Variants in AFF2 observed in about 807,000 individuals in gnomAD.
AFF2 encodes the protein AF4/FMR2 family member 2.
AFF2 carries 14 observed loss-of-function variants against 76.9 expected under a neutral mutation model. That is an observed-to-expected ratio of 0.18 (90% CI 0.12 to 0.28). The LOEUF (loss-of-function observed/expected upper bound fraction) is 0.28, where lower values mean the gene tolerates loss of function less well. Ranked by LOEUF, AFF2 falls within the 10% of genes least tolerant of loss-of-function variation. The pLI is 1.00. For synonymous variants in AFF2, 398 were observed against 366.7 expected (o/e 1.09, Z -0.98); for missense variants, 868 against 1,001.1 (o/e 0.87, Z 1.79).
In AFF2 at chrX:148,849,517, C is replaced by T. The variant is rs185238912; in HGVS notation, c.1262+6084C>T. ...TATCTACTACATGTAAGGTTCTGGGCTAAAACACTGGTAACTCAGGGTGAA... is the reference window on the plus strand; with the variant it reads ...TATCTACTACATGTAAGGTTCTGGGTTAAAACACTGGTAACTCAGGGTGAA... On this transcript the variant is annotated intron_variant, in intron 7 of 20. Transcript: ENST00000370460. Among the ~76,000 whole-genome samples, 292 of 108,930 alleles carry T rather than the reference C, an allele frequency of 2.7e-3. 2 individuals are homozygous for T. The highest frequency in any genetic ancestry group is 9.5e-3 in the African/African-American group (282 of 29,696). 94.6% of individuals were successfully genotyped at this position (108,930 alleles called of 115,157 possible). A position where few individuals can be genotyped will look rare whatever the true frequency, so the allele number is the denominator to read the frequency against.
chrX:148,694,214 G>T (rs567252253), intron 3 of AFF2, among the ~76,000 whole-genome samples: 4 of 109,161 alleles, frequency 3.7e-5, no homozygotes, highest in African/African-American at 1.3e-4. Context: ...TATACCTAAT[G>T]CTAGAGACGA....
At chrX:148,692,799 A>G (rs1286497945) in intron 3 of AFF2, among the ~76,000 whole-genome samples, 1 of 111,683 alleles carries the variant, frequency 9.0e-6, no homozygotes, top group African/African-American at 3.3e-5. Context: ...TGAGATGAAG[A>G]TTTTTGCATG....
intron 1 of AFF2, among the ~76,000 whole-genome samples, chrX:148,619,269 G>C (rs1557250913): frequency 9.0e-6 from 1 of 111,343 alleles, no homozygotes; most frequent in African/African-American, 3.3e-5. Context: ...TAGCTCAGGT[G>C]CTAATGTCAG....
intron 7 of AFF2, among the ~76,000 whole-genome samples, chrX:148,872,730 A>T (rs782622319): frequency 8.9e-6 from 1 of 111,934 alleles, no homozygotes; most frequent in Non-Finnish European, 1.9e-5. Flanking sequence ...CATGATCAGG[A>T]TGCCAGTATG....
intron 3 of AFF2, among the ~76,000 whole-genome samples, chrX:148,794,769 C>T (rs1557270241): frequency 3.6e-5 from 4 of 110,842 alleles, no homozygotes; most frequent in Non-Finnish European, 5.7e-5. Context: ...CTTGCAGAGG[C>T]AGGGGTGGGG....
chrX:148,843,942 T>C (rs1603311233), intron 7 of AFF2, among the ~76,000 whole-genome samples: 1 of 111,416 alleles, frequency 9.0e-6, no homozygotes, highest in East Asian at 2.8e-4. Flanking sequence ...TTTGGAGTAA[T>C]ACAAACAGAT....
chrX:148,967,103 G>C, intron 14 of AFF2, 24 bp downstream of exon 14: 1 of 1,203,704 alleles, frequency 8.3e-7, no homozygotes, highest in Non-Finnish European at 1.1e-6. Flanking sequence ...GATTATCATG[G>C]ACAGTTTGGA....
chrX:148,770,492 G>T (rs1414377885), intron 3 of AFF2, among the ~76,000 whole-genome samples: 2 of 111,807 alleles, frequency 1.8e-5, no homozygotes, highest in Non-Finnish European at 3.8e-5. Flanking sequence ...AGAGCAGGAG[G>T]TACTACAAAT....
intron 1 of AFF2, among the ~76,000 whole-genome samples, chrX:148,505,614 T>TTG (rs1569550444): frequency 9.0e-6 from 1 of 111,308 alleles, no homozygotes; most frequent in African/African-American, 3.3e-5. Context: ...AAGATTATTT[T>TTG]GCCATGCAAA....
intron 3 of AFF2, among the ~76,000 whole-genome samples, chrX:148,682,879 A>C (rs1446734885): frequency 9.0e-6 from 1 of 111,634 alleles, no homozygotes; most frequent in Non-Finnish European, 1.9e-5. Flanking sequence ...TAAATACCTA[A>C]ACCTCATGTC....
intron 1 of AFF2, among the ~76,000 whole-genome samples, chrX:148,575,617 C>T (rs1401857980): frequency 9.1e-6 from 1 of 110,171 alleles, no homozygotes; most frequent in Non-Finnish European, 1.9e-5. Context: ...TTTCTTCTTC[C>T]CTGAATATGT....
intron 1 of AFF2, among the ~76,000 whole-genome samples, chrX:148,593,233 AT>A (rs3838385): frequency 8.9e-6 from 1 of 112,032 alleles, no homozygotes; most frequent in East Asian, 2.8e-4. Context: ...CAATTTTTAT[AT>A]TTGCTTAACA....
intron 3 of AFF2, among the ~76,000 whole-genome samples, chrX:148,676,959 G>T (rs1286826301): frequency 9.0e-6 from 1 of 111,254 alleles, no homozygotes; most frequent in Non-Finnish European, 1.9e-5. Context: ...ATCTTGACAG[G>T]ATGATTGGCA....
chrX:148,651,928 C>A, intron 1 of AFF2, 71 bp from the exon 2 acceptor site: 1 of 1,031,756 alleles, frequency 9.7e-7, no homozygotes, highest in Non-Finnish European at 1.3e-6. Context: ...TTATTGACAG[C>A]AAGGAAAATT....
intron 3 of AFF2, among the ~76,000 whole-genome samples, chrX:148,803,588 TC>T (rs1201485623): frequency 5.4e-5 from 6 of 111,300 alleles, no homozygotes; most frequent in South Asian, 3.8e-4. Context: ...ATACCCTCAT[TC>T]CCCCCATCTC....
chrX:148,931,126 C>T (rs2071707371), intron 9 of AFF2, among the ~76,000 whole-genome samples: 1 of 108,442 alleles, frequency 9.2e-6, no homozygotes, highest in Non-Finnish European at 1.9e-5. Flanking sequence ...TGGTGGCACA[C>T]GCCTGTGGTC....
intron 3 of AFF2, among the ~76,000 whole-genome samples, chrX:148,734,419 G>A (rs1411147679): frequency 9.0e-6 from 1 of 111,675 alleles, no homozygotes; most frequent in Non-Finnish European, 1.9e-5. Flanking sequence ...TATCCCTACT[G>A]TGTTGCAGAG....
At chrX:148,613,701 G>A (rs1258658106) in intron 1 of AFF2, among the ~76,000 whole-genome samples, 1 of 111,201 alleles carries the variant, frequency 9.0e-6, no homozygotes, top group African/African-American at 3.3e-5. Flanking sequence ...GTCTCCTGTT[G>A]TCATCTGAGC....
At chrX:148,985,266 A>G (rs1044198782) in intron 19 of AFF2, among the ~76,000 whole-genome samples, 29 of 86,447 alleles carry the variant, frequency 3.4e-4, no homozygotes, top group Non-Finnish European at 5.6e-4. Flanking sequence ...GATTACAGGC[A>G]TGAGCCCCTG....
Sources: gnomAD v4.1 joint callset for allele counts (sites outside exome capture counted in the v4.1 genomes callset) on GRCh38, gnomAD v4.1.1 for gene constraint, MANE v1.5 for transcripts, NCBI Gene and HGNC (gene_info 2026-07-23, HGNC 2026-07-21) for gene names.